The following TIAM2 variants were observed in gnomAD, a reference collection of about 807,000 sequenced individuals.
The protein encoded by TIAM2 is TIAM Rac1 associated GEF 2, also known as rho guanine nucleotide exchange factor TIAM2.
A neutral mutation model predicts 152.9 loss-of-function variants in TIAM2; 80 were observed. The observed-to-expected ratio is 0.52, with a 90% confidence interval of 0.44 to 0.63. The LOEUF (loss-of-function observed/expected upper bound fraction) is 0.63, where lower values mean the gene tolerates loss of function less well. Among genes scored for constraint, TIAM2 ranks in the 30% least tolerant of loss-of-function variants. The probability of loss-of-function intolerance (pLI) is 0.00; values close to 1 mark genes in which losing one functional copy is unlikely to be tolerated. For synonymous variants in TIAM2, 804 were observed against 838.0 expected (o/e 0.96, Z 0.70); for missense variants, 1,965 against 2,120.1 (o/e 0.93, Z 1.44).
chr6:155,044,026 T>C (rs1777105792), intron 1 of TIAM2, among the ~76,000 whole-genome samples: 1 of 152,186 alleles, frequency 6.6e-6, no homozygotes, highest in Non-Finnish European at 1.5e-5. Context: ...TTGTGGATAT[T>C]GGCCAAAACA....
At chr6:155,016,894 C>A (rs997813069) in intron 1 of TIAM2, among the ~76,000 whole-genome samples, 1 of 151,916 alleles carries the variant, frequency 6.6e-6, no homozygotes, top group Non-Finnish European at 1.5e-5. Flanking sequence ...AGCGAGACTC[C>A]ATCTCAAAAT....
In TIAM2 at chr6:155,129,611, T is replaced by C. The variant is rs773936588; in HGVS notation, c.388T>C (p.Ser130Pro). 1.2e-6 allele frequency: 2 copies of C among 1,613,958 alleles called. No homozygotes were observed. The highest frequency in any genetic ancestry group is 2.2e-5 in the South Asian group (2 of 91,062). ...CGAGCTGGCAGATAACCACATCACC[T>C]CCAGAGACTGCAACGGACACCTTCT... The part of the protein sequence containing the change: ...GHELADNHIT[S>P]RDCNGHLLNC... The change falls in exon 4 of 27, where the codon TCC becomes CCC. Residue 130 changes from serine (S) to proline (P), a missense_variant. By Grantham distance (74) the Ser-to-Pro change is moderately conservative. Transcript: ENST00000682666. This position sits in a 1 kb window ranked among gnomAD's most constrained non-coding sequence, Gnocchi z 4.8.
At chr6:155,250,638 T>A in intron 21 of TIAM2, 1 of 1,535,290 alleles carries the variant, frequency 6.5e-7, no homozygotes, top group Non-Finnish European at 8.7e-7. Flanking sequence ...GAGTTCATCT[T>A]ATGGAAACTG....
At chr6:155,033,620 G>A (rs7769588) in intron 1 of TIAM2, among the ~76,000 whole-genome samples, 4,351 of 151,914 alleles carry the variant, frequency 0.029, 82 homozygotes, top group Non-Finnish European at 0.041. Flanking sequence ...TATTTCACAC[G>A]CAGTGTCTTC....
chr6:155,242,171 C>T lies in TIAM2; in HGVS notation c.3348+1462C>T, dbSNP rs181053662. On this transcript the variant is annotated intron_variant, in intron 16 of 26. Transcript: ENST00000682666. ...GCCCTTTGCCCCCCGCAGCTCTGCG[C>T]GGACCTGATTTTGCTGTCCAGGAAG... Among the ~76,000 whole-genome samples the T allele has an allele frequency of 8.7e-3, 1,332 of 152,302 alleles. 19 individuals are homozygous for T. Among genetic ancestry groups the T allele is most frequent in the African/African-American group, 0.03 (1,262 of 41,566 alleles).
At chr6:155,237,789 G>A (rs748343293) in intron 15 of TIAM2, among the ~76,000 whole-genome samples, 11 of 152,172 alleles carry the variant, frequency 7.2e-5, no homozygotes, top group South Asian at 4.1e-4. Context: ...TTCCCTGGGC[G>A]GAACACAGCA....
rs1466654067 is a variant in TIAM2, at chr6:155,036,806, T to C, written c.-209+41314T>C. ...CTAATTTTTTTATTTTTAGTAGAGA[T>C]GGGGTTTCTCCATGTTGGTTAGGCT... On this transcript the variant is annotated intron_variant, in intron 1 of 26. Coordinates refer to ENST00000682666, the MANE Select transcript of TIAM2 (RefSeq NM_012454.4). Among the ~76,000 whole-genome samples, 5 of 151,748 alleles carry C rather than the reference T, an allele frequency of 3.3e-5. No homozygotes were observed. In the East Asian group the frequency reaches 7.9e-4, roughly 24 times the overall value.
intron 12 of TIAM2, among the ~76,000 whole-genome samples, chr6:155,179,929 G>A (rs1303979004): frequency 6.6e-6 from 1 of 152,150 alleles, no homozygotes; most frequent in Non-Finnish European, 1.5e-5. Context: ...GGTCTTTCTT[G>A]AAGAAGCCGT....
At position 155,174,872 on chromosome 6, in the gene TIAM2, G is replaced by A. The variant is rs766115799; in HGVS notation, c.2362-1944G>A. Among the ~76,000 whole-genome samples the A allele has an allele frequency of 4.6e-5, 7 of 152,172 alleles. No homozygotes were observed. The highest frequency in any genetic ancestry group is 7.3e-5 in the Non-Finnish European group (5 of 68,036). On this transcript the variant is annotated intron_variant, in intron 9 of 26. Coordinates refer to ENST00000682666, the MANE Select transcript of TIAM2 (RefSeq NM_012454.4). The surrounding 1 kb of genome is among the most constrained non-coding windows in gnomAD (Gnocchi z 4.2). Reference sequence around the variant, plus strand: ...TGACTTCCTCCGGGCCTTGTTCTTTGTGATGTTTCTTACTCCACAGTGACC... The same window carrying A: ...TGACTTCCTCCGGGCCTTGTTCTTTATGATGTTTCTTACTCCACAGTGACC...
At chr6:155,204,774 G>C (rs904187140) in intron 14 of TIAM2, among the ~76,000 whole-genome samples, 1 of 152,234 alleles carries the variant, frequency 6.6e-6, no homozygotes, top group South Asian at 2.1e-4. Context: ...TTGAAGCACG[G>C]CTTTTTCCGA....
chr6:155,063,671 A>G (rs1418961156), intron 1 of TIAM2, among the ~76,000 whole-genome samples: 2 of 150,420 alleles, frequency 1.3e-5, no homozygotes, highest in South Asian at 4.3e-4. Flanking sequence ...TGTCCCAGCA[A>G]TTTGGGAGGC....
intron 7 of TIAM2, among the ~76,000 whole-genome samples, chr6:155,153,682 C>T (rs932441093): frequency 9.7e-5 from 13 of 133,450 alleles, no homozygotes; most frequent in East Asian, 4.6e-4. Flanking sequence ...AGGGTAGTGG[C>T]GCAATCTCAG....
In TIAM2 at chr6:155,031,678, C is replaced by A. The variant is rs1204212015; in HGVS notation, c.-209+36186C>A. Among the ~76,000 whole-genome samples, 5 of 152,120 alleles carry A rather than the reference C, an allele frequency of 3.3e-5. No homozygotes were observed. In the East Asian group the frequency reaches 9.6e-4, roughly 29 times the overall value. ...GGAGGATGCTGCAGTGAGGTGAGAT[C>A]ACACCATTGCACTCCAGCCTGGGCA... On this transcript the variant is annotated intron_variant, in intron 1 of 26. Coordinates refer to ENST00000682666, the MANE Select transcript of TIAM2 (RefSeq NM_012454.4).
chr6:155,079,718 G>A (rs1019123829), intron 1 of TIAM2, among the ~76,000 whole-genome samples: 4 of 152,192 alleles, frequency 2.6e-5, no homozygotes, highest in African/African-American at 9.7e-5. Context: ...AGGCCTAGGC[G>A]GGTGGATCAC....
At chr6:155,029,621 G>GTATATAACTATATATAGT (rs1370251555) in intron 1 of TIAM2, among the ~76,000 whole-genome samples, 13 of 73,336 alleles carry the variant, frequency 1.8e-4, no homozygotes, top group South Asian at 3.4e-4. Flanking sequence ...CTGTATATAT[G>GTATATAACTATATATAGT]TATATAACTA....
Position 155,031,616 on chromosome 6 carries a change from C to T in TIAM2, c.-209+36124C>T, listed in dbSNP as rs185507430. On this transcript the variant is annotated intron_variant, in intron 1 of 26. Transcript: ENST00000682666. ...GCACGCACCTATAGTCCCAGCTACT[C>T]GGGAGGCTGAGGTGGGAGGATCACC... Among the ~76,000 whole-genome samples, 849 of 152,154 alleles carry T rather than the reference C, an allele frequency of 5.6e-3. 9 individuals are homozygous for T. The highest frequency in any genetic ancestry group is 0.018 in the African/African-American group (767 of 41,520).
At chr6:155,135,331 G>A (rs191329176) in intron 4 of TIAM2, among the ~76,000 whole-genome samples, 28 of 152,276 alleles carry the variant, frequency 1.8e-4, no homozygotes, top group East Asian at 5.8e-4. Context: ...TCTATACAAT[G>A]TAATATTCAA....
intron 9 of TIAM2, among the ~76,000 whole-genome samples, chr6:155,165,879 G>A (rs976333034): frequency 1.3e-5 from 2 of 151,888 alleles, no homozygotes; most frequent in South Asian, 2.1e-4. Context: ...ACAAGTTGCC[G>A]TATCTATCCC....
chr6:155,254,630 G>A, intron 26 of TIAM2, 57 bp downstream of exon 26: 11 of 1,581,386 alleles, frequency 7.0e-6, no homozygotes, highest in Admixed American at 1.7e-5. Flanking sequence ...CTTCTGAAAA[G>A]GATATATGCT....
Sources: allele counts gnomAD v4.1 joint callset (sites outside exome capture counted in the v4.1 genomes callset), GRCh38; gene constraint gnomAD v4.1.1; non-coding constraint Gnocchi (gnomAD v3.1); transcripts MANE v1.5; gene names NCBI Gene and HGNC (gene_info 2026-07-23, HGNC 2026-07-21).